The following CCNH variants were observed in gnomAD, a reference collection of about 807,000 sequenced individuals.
CCNH encodes cyclin-H.
CCNH carries 31 observed loss-of-function variants against 41.9 expected under a neutral mutation model. The observed-to-expected ratio is 0.74, with a 90% CI of 0.56 to 1.00. CCNH has a LOEUF of 1.00. Among genes scored for constraint, CCNH ranks in the 50% least tolerant of loss-of-function variants. The probability of loss-of-function intolerance (pLI) is 0.00; values close to 1 mark genes in which losing one functional copy is unlikely to be tolerated. For missense variants in CCNH, 362 were observed against 388.4 expected, an observed-to-expected ratio of 0.93 and a Z score of 0.57; for synonymous variants, 138 against 136.1, an observed-to-expected ratio of 1.01 and a Z score of -0.10.
At chr5:87,405,583 A>C (rs1763730906) in intron 4 of CCNH, among the ~76,000 whole-genome samples, 1 of 152,124 alleles carries the variant, frequency 6.6e-6, no homozygotes, top group Non-Finnish European at 1.5e-5. Context: ...ACACTCTGAA[A>C]CAAAATATTC....
downstream of CCNH, among the ~76,000 whole-genome samples, chr5:87,372,507 T>G (rs1043172587): frequency 6.6e-6 from 1 of 152,166 alleles, no homozygotes; most frequent in African/African-American, 2.4e-5. Context: ...TTCAAAAAAG[T>G]AGAACATTGA....
intron 9 of CCNH, among the ~76,000 whole-genome samples, chr5:87,370,661 T>TA (rs932616005): frequency 6.6e-5 from 10 of 152,134 alleles, no homozygotes; most frequent in Non-Finnish European, 1.2e-4. Context: ...CACTGTCTCT[T>TA]AAAAAATTTT....
chr5:87,332,066 T>C (rs1757648141), intron 9 of CCNH, among the ~76,000 whole-genome samples: 1 of 152,154 alleles, frequency 6.6e-6, no homozygotes, highest in Non-Finnish European at 1.5e-5. Context: ...CCTTGGTTTT[T>C]AGATTTTAAA....
rs553261653 is a variant in CCNH, at chr5:87,353,710, A to G, written c.*91-34813T>C. 6.6e-5 allele frequency among the ~76,000 whole-genome samples: 10 copies of G among 152,250 alleles called. No homozygotes were observed. In the East Asian group the frequency reaches 1.7e-3, roughly 26 times the overall value. ...GAGTGAAAACTGTATAGTAGTAAAG[A>G]GGAGAGTGAAGTTGTATGGGGAGAT... On this transcript the variant is annotated intron_variant and NMD_transcript_variant, in intron 9 of 9. Transcript: ENST00000645953.
At chr5:87,392,281 T>C (rs1762581951), downstream of CCNH, 1 of 455,918 alleles carries the variant, frequency 2.2e-6, no homozygotes, top group Non-Finnish European at 4.4e-6. Flanking sequence ...AAAAAAATGC[T>C]AAGGGCTTAA....
chr5:87,379,869 A>C, upstream of CCNH: 5 of 1,608,108 alleles, frequency 3.1e-6, no homozygotes, highest in Non-Finnish European at 4.3e-6. Flanking sequence ...TGAAATTTTC[A>C]TTTGACAAGA....
At chr5:87,394,767 TC>T in intron 8 of CCNH, 1 of 1,347,112 alleles carries the variant, frequency 7.4e-7, no homozygotes, top group South Asian at 2.2e-5. Flanking sequence ...AAGGGAAAAA[TC>T]CTTGGAGAAT....
chr5:87,315,066 TA>T (rs1223382395), downstream of CCNH, among the ~76,000 whole-genome samples: 1 of 152,210 alleles, frequency 6.6e-6, no homozygotes, highest in Non-Finnish European at 1.5e-5. Context: ...AGTTTTATAT[TA>T]AAATGGATAT....
At chr5:87,405,981 C>T (rs955522999) in intron 4 of CCNH, among the ~76,000 whole-genome samples, 1 of 152,114 alleles carries the variant, frequency 6.6e-6, no homozygotes, top group Non-Finnish European at 1.5e-5. Context: ...TTAAACACTG[C>T]CAAGCAACCA....
chr5:87,326,146 A>AT (rs1272226039), intron 9 of CCNH, among the ~76,000 whole-genome samples: 1 of 151,826 alleles, frequency 6.6e-6, no homozygotes, highest in African/African-American at 2.4e-5. Context: ...TAATTTTTGT[A>AT]TTTTTTGTAG....
intron 9 of CCNH, among the ~76,000 whole-genome samples, chr5:87,338,501 TTATATATATATA>T (rs3069490): frequency 9.3e-5 from 7 of 75,670 alleles, no homozygotes; most frequent in East Asian, 5.2e-4. Flanking sequence ...CCAGCTAATT[TTATATATATATA>T]TATATATATA....
chr5:87,393,436 C>T (rs1762667831), downstream of CCNH: 1 of 152,048 alleles, frequency 6.6e-6, no homozygotes, highest in South Asian at 2.1e-4. Flanking sequence ...TTTTATCTTC[C>T]CCATTTTCAG....
intron 9 of CCNH, among the ~76,000 whole-genome samples, chr5:87,341,624 G>A (rs1758468653): frequency 6.6e-6 from 1 of 151,988 alleles, no homozygotes; most frequent in Non-Finnish European, 1.5e-5. Flanking sequence ...ATTATTCATA[G>A]TATTTCTTGG....
At position 87,397,310 on chromosome 5, in the gene CCNH, C is replaced by G. The variant is rs554716518; in HGVS notation, c.872+2084G>C. On this transcript the variant is annotated intron_variant, in intron 7 of 8. Coordinates refer to ENST00000256897, the MANE Select transcript of CCNH (RefSeq NM_001239.4). ...AAGTAGCTGGGATTACAGGCACCCACCACCACGTCCAGCTGATTATTGTAT... is the reference window on the plus strand; with the variant it reads ...AAGTAGCTGGGATTACAGGCACCCAGCACCACGTCCAGCTGATTATTGTAT... Among the ~76,000 whole-genome samples the G allele has an allele frequency of 5.9e-5, 9 of 152,198 alleles. No homozygotes were observed. The South Asian group carries it at 1.9e-3, about 32-fold the overall frequency.
rs762293094 is a variant in CCNH at position 87,408,000 on chromosome 5, A to G, written c.501T>C (p.Phe167=). The change falls in exon 4 of 9, where the codon TTT becomes TTC. Residue 167 remains phenylalanine (F), a synonymous_variant. Transcript: ENST00000256897. ...CCTTTAAGTCGATGAGGAAGCCCTC[A>G]AATGGTCTGTAAGGATTGTGGACAA... ...HLIVHNPYRP[F]EGFLIDLKTR... 2.5e-6 allele frequency: 4 copies of G among 1,613,122 alleles called. No individual in the cohort carries two copies. The South Asian group carries it at 4.4e-5, about 18-fold the overall frequency.
chr5:87,409,629 C>CGTGTGTGTGTGTGTGTGTGTGT (rs71610500), intron 2 of CCNH, among the ~76,000 whole-genome samples: 5 of 145,990 alleles, frequency 3.4e-5, no homozygotes, highest in Admixed American at 6.9e-5. Flanking sequence ...TTTAAAAATA[C>CGTGTGTGTGTGTGTGTGTGTGT]GTGTGTGTGT....
chr5:87,390,353 T>G (rs1226705067), downstream of CCNH, among the ~76,000 whole-genome samples: 1 of 152,136 alleles, frequency 6.6e-6, no homozygotes, highest in Non-Finnish European at 1.5e-5. Flanking sequence ...TAGAAGGGAT[T>G]AAAGCATTGA....
At chr5:87,350,362 C>T (rs572195059) in intron 9 of CCNH, among the ~76,000 whole-genome samples, 2 of 151,844 alleles carry the variant, frequency 1.3e-5, no homozygotes, top group South Asian at 4.2e-4. Context: ...AATTTGAGTT[C>T]TTTAAGAATG....
chr5:87,397,181 GA>G (rs1203754336), intron 7 of CCNH, among the ~76,000 whole-genome samples: 5 of 142,076 alleles, frequency 3.5e-5, no homozygotes, highest in African/African-American at 1.3e-4. Flanking sequence ...TTTTTTTTTT[GA>G]GACAGAGTCT....
Sources: allele counts gnomAD v4.1 joint callset (sites outside exome capture counted in the v4.1 genomes callset), GRCh38; gene constraint gnomAD v4.1.1; transcripts MANE v1.5; gene names NCBI Gene and HGNC (gene_info 2026-07-23, HGNC 2026-07-21).